The following NBPF3 variants were observed in gnomAD, a reference collection of about 807,000 sequenced individuals.
The protein encoded by NBPF3 is NBPF member 3, also known as NBPF family member NBPF3.
NBPF3 carries 57 observed loss-of-function variants against 78.1 expected under a neutral mutation model. The ratio of observed to expected loss-of-function variants is 0.73; its 90% CI spans 0.59 to 0.91. The LOEUF is 0.91. Among genes scored for constraint, NBPF3 ranks in the 40% least tolerant of loss-of-function variants. The pLI, the probability that NBPF3 is intolerant of heterozygous loss-of-function variation, is 0.00. For synonymous variants in NBPF3, 182 were observed against 271.7 expected, an observed-to-expected ratio of 0.67 and a Z score of 3.25; for missense variants, 510 against 715.3, an observed-to-expected ratio of 0.71 and a Z score of 3.27.
At chr1:21,461,676 T>C (rs1414168151) in intron 2 of NBPF3, among the ~76,000 whole-genome samples, 1 of 152,146 alleles carries the variant, frequency 6.6e-6, no homozygotes, top group Non-Finnish European at 1.5e-5. Flanking sequence ...TTGGCCAGGC[T>C]GGTCTTGAAC....
At chr1:21,445,335 A>G in intron 2 of NBPF3, 116 bp downstream of exon 2, 2 of 1,154,462 alleles carry the variant, frequency 1.7e-6, no homozygotes, top group Non-Finnish European at 2.5e-6. Flanking sequence ...CTTGCCTGGC[A>G]TGAAACAGAT....
chr1:21,465,004 CA>C lies in NBPF3; in HGVS notation c.134-3660del, dbSNP rs10531760. Among the ~76,000 whole-genome samples the C allele has an allele frequency of 9.5e-3, 940 of 99,200 alleles. 7 individuals carry two copies. Among genetic ancestry groups the C allele is most frequent in the African/African-American group, 0.029 (698 of 24,058 alleles). 65.1% of individuals were successfully genotyped at this position (99,200 alleles called of 152,430 possible). Reference sequence around the variant, plus strand: ...TGGGTGACAGAATAAGACCCTGTCTCAAAAAAAAAAAAAAAAAAAAAAAAGC... The same window carrying C: ...TGGGTGACAGAATAAGACCCTGTCTCAAAAAAAAAAAAAAAAAAAAAAAGC... On this transcript the variant is annotated intron_variant, in intron 2 of 14. Transcript: ENST00000318249.
At position 21,478,175 on chromosome 1, in the gene NBPF3, C is replaced by A; in HGVS notation, c.1024C>A (p.Pro342Thr). 1 of 1,614,114 alleles carries A rather than the reference C, an allele frequency of 6.2e-7. No homozygotes were observed. The highest frequency in any genetic ancestry group is 2.2e-5 in the East Asian group (1 of 44,880). The change falls in exon 9 of 15, where the codon CCC becomes ACC. Residue 342 changes from proline to threonine, a missense_variant. Pro to Thr is a conservative substitution (Grantham distance 38, BLOSUM62 -1). Transcript: ENST00000318249. ...NLQESEEEEA[P>T]QESWDEGDWT... is the part of the protein sequence containing the mutation. ...GCAGGAGTCTGAAGAGGAGGAAGCC[C>A]CCCAGGAGTCCTGGGATGAAGGTGA... is the stretch of plus-strand genomic sequence containing the variant.
chr1:21,477,140 G>C (rs1642928103), intron 8 of NBPF3, among the ~76,000 whole-genome samples: 1 of 152,112 alleles, frequency 6.6e-6, no homozygotes, highest in South Asian at 2.1e-4. Flanking sequence ...GTCATTTCAG[G>C]TCTCCTCTAC....
chr1:21,442,512 G>A (rs972002802), intron 1 of NBPF3, among the ~76,000 whole-genome samples: 11 of 152,198 alleles, frequency 7.2e-5, no homozygotes, highest in East Asian at 1.9e-4. Context: ...CACTGCACCC[G>A]GCCTGAGATT....
Position 21,481,634 on chromosome 1 carries a change from G to A in NBPF3, c.1471G>A (p.Asp491Asn), listed in dbSNP as rs137924290. 1,955 of 1,609,854 alleles carry A rather than the reference G, an allele frequency of 1.2e-3. No individual in the cohort carries two copies. In the African/African-American group the frequency reaches 0.023, roughly 19 times the overall value. The change falls in exon 13 of 15, where the codon GAC becomes AAC. Residue 491 changes from aspartate (D) to asparagine (N), a missense_variant. Asp to Asn is a conservative substitution (Grantham distance 23). Transcript: ENST00000318249. ...RELPEVVEPE[D>N]LQDSLDRWYS... ...GCTGCCGGAGGTAGTAGAGCCTGAG[G>A]ACTTGCAGGACTCACTGGATAGATG...
At chr1:21,457,805 TCCAGA>T (rs1373127065) in intron 2 of NBPF3, among the ~76,000 whole-genome samples, 1 of 152,214 alleles carries the variant, frequency 6.6e-6, no homozygotes, top group Non-Finnish European at 1.5e-5. Flanking sequence ...TATGTGTATT[TCCAGA>T]CCAGACTGAG....
At chr1:21,454,002 A>C (rs796494232) in intron 2 of NBPF3, 1 of 152,190 alleles carries the variant, frequency 6.6e-6, no homozygotes, top group Admixed American at 6.5e-5. Flanking sequence ...ATGCTAAACT[A>C]AGGGCACCTG....
chr1:21,464,093 A>T (rs944832862), intron 2 of NBPF3, among the ~76,000 whole-genome samples: 1 of 152,266 alleles, frequency 6.6e-6, no homozygotes, highest in Non-Finnish European at 1.5e-5. Context: ...ATAAAGTGAC[A>T]TATGATGCAG....
intron 1 of NBPF3, among the ~76,000 whole-genome samples, chr1:21,443,004 G>C (rs374105113): frequency 6.6e-6 from 1 of 152,036 alleles, no homozygotes; most frequent in African/African-American, 2.4e-5. Context: ...CTTTATCCAG[G>C]ACCATTTATT....
chr1:21,459,112 T>C (rs182783687), intron 2 of NBPF3, among the ~76,000 whole-genome samples: 2 of 152,316 alleles, frequency 1.3e-5, no homozygotes, highest in African/African-American at 4.8e-5. Flanking sequence ...GAAATATATA[T>C]CATGTTCATT....
chr1:21,455,498 C>T (rs1280877462), intron 2 of NBPF3, among the ~76,000 whole-genome samples: 2 of 152,162 alleles, frequency 1.3e-5, no homozygotes, highest in East Asian at 1.9e-4. Flanking sequence ...CATAAACAAC[C>T]GTAAAATTGT....
intron 1 of NBPF3, among the ~76,000 whole-genome samples, chr1:21,441,731 G>T (rs1005075019): frequency 2.9e-5 from 4 of 139,358 alleles, no homozygotes; most frequent in African/African-American, 7.5e-5. Context: ...AAAAAGTAAT[G>T]AATTTTGACC....
Position 21,441,703 on chromosome 1 carries a change from T to G in NBPF3, c.-140+1355T>G, listed in dbSNP as rs555579727. On this transcript the variant is annotated intron_variant, in intron 1 of 14. Transcript: ENST00000318249. ...ACCTGGATGGCAGAGTGAGAGCCTA[T>G]CTCAAAAAAAAAAAAAAAAAAAGTA... Among the ~76,000 whole-genome samples the G allele has an allele frequency of 1.2e-4, 16 of 131,260 alleles. 1 individual carries two copies. The South Asian group carries it at 3.7e-3, about 30-fold the overall frequency. The allele number at this position is 131,260 out of a possible 152,430, so 86.1% of individuals were successfully genotyped here.
At chr1:21,475,391 C>T (rs1398664668) in intron 8 of NBPF3, among the ~76,000 whole-genome samples, 1 of 152,224 alleles carries the variant, frequency 6.6e-6, no homozygotes, top group African/African-American at 2.4e-5. Context: ...TCCTTGTGGG[C>T]ATTTAGTGCT....
At chr1:21,441,474 A>C (rs1640643476) in intron 1 of NBPF3, among the ~76,000 whole-genome samples, 2 of 152,154 alleles carry the variant, frequency 1.3e-5, no homozygotes, top group South Asian at 2.1e-4. Context: ...TGGGACGCCA[A>C]GGTGGGTAGA....
At chr1:21,468,484 C>T in intron 2 of NBPF3, 1 of 1,443,156 alleles carries the variant, frequency 6.9e-7, no homozygotes. Context: ...GGAGACTGAG[C>T]TATTGGCAGT....
intron 1 of NBPF3, among the ~76,000 whole-genome samples, chr1:21,442,563 T>C (rs2147888632): frequency 6.6e-6 from 1 of 152,356 alleles, no homozygotes; most frequent in Non-Finnish European, 1.5e-5. Context: ...TCTTTTCCTT[T>C]ATGGTTACTG....
chr1:21,446,427 C>T (rs1182200809), intron 2 of NBPF3: 2 of 148,870 alleles, frequency 1.3e-5, no homozygotes, highest in Non-Finnish European at 3.0e-5. Flanking sequence ...CTGTTCTCAT[C>T]TTCATGTAAA....
Sources: allele counts gnomAD v4.1 joint callset (sites outside exome capture counted in the v4.1 genomes callset), GRCh38; gene constraint gnomAD v4.1.1; transcripts MANE v1.5; gene names NCBI Gene and HGNC (gene_info 2026-07-23, HGNC 2026-07-21).